CENPK: variants seen among roughly 807,000 people sequenced by gnomAD.
CENPK encodes centromere protein K, also known as SoxLZ/Sox6-binding protein Solt.
In CENPK, 46 loss-of-function variants were observed where a neutral mutation model predicts 40.9. The ratio of observed to expected loss-of-function variants is 1.13; its 90% CI spans 0.89 to 1.44. The LOEUF is 1.44. Among genes scored for constraint, CENPK ranks in the 40% most tolerant of loss-of-function variants. The probability of loss-of-function intolerance (pLI) is 0.00; values close to 1 mark genes in which losing one functional copy is unlikely to be tolerated. For missense variants in CENPK, 288 were observed against 303.5 expected (o/e 0.95, Z 0.38); for synonymous variants, 107 against 104.4 (o/e 1.02, Z -0.15).
chr5:65,505,635 C>G, the CENPK span, among the ~76,000 whole-genome samples: 2 of 152,104 alleles, frequency 1.3e-5, no homozygotes. Flanking sequence ...AGTGAGACCT[C>G]ATCTCAAAAA....
chr5:65,556,390 G>A lies in CENPK; in HGVS notation c.-39-1444C>T, dbSNP rs35473362. Among the ~76,000 whole-genome samples the A allele has an allele frequency of 4.5e-3, 692 of 152,196 alleles. 5 individuals are homozygous for A. Among genetic ancestry groups the A allele is most frequent in the Non-Finnish European group, 7.9e-3 (535 of 68,018 alleles). ...CTCAGGAGGCAGGGGCAGGAAGATC[G>A]CTTGAGTCCAGGAGTTCAAGGTTAT... On this transcript the variant is annotated intron_variant, in intron 2 of 10. Transcript: ENST00000396679.
chr5:65,498,321 T>A, the CENPK span, among the ~76,000 whole-genome samples: 1 of 152,132 alleles, frequency 6.6e-6, no homozygotes, highest in Non-Finnish European at 1.5e-5. Context: ...TCTTTATATA[T>A]GTTTTTTGTA....
At position 65,554,834 on chromosome 5, in the gene CENPK, A is replaced by G. The variant is rs1481438294; in HGVS notation, c.74T>C (p.Ile25Thr). ...GDVTNTEEEL[I>T]RECEEMWKDM... ...TTTCCACATTTCTTCACATTCTCTA[A>G]TAAGTTCTTCTTCAGTATTTGTAAC... Residue 25 changes from isoleucine to threonine, a missense_variant, in exon 3 of 11, where the codon ATT becomes ACT. Transcript: ENST00000396679. The G allele has an allele frequency of 1.0e-5, 16 of 1,600,750 alleles. No individual in the cohort carries two copies. The highest frequency in any genetic ancestry group is 1.4e-5 in the Non-Finnish European group (16 of 1,168,286).
the CENPK span, among the ~76,000 whole-genome samples, chr5:65,512,613 C>A: frequency 7.9e-5 from 12 of 152,162 alleles, no homozygotes; most frequent in African/African-American, 2.7e-4. Flanking sequence ...AGAAATAATG[C>A]TATGTATAGT....
At chr5:65,497,398 C>T in the CENPK span, among the ~76,000 whole-genome samples, 82 of 152,030 alleles carry the variant, frequency 5.4e-4, no homozygotes, top group African/African-American at 1.8e-3. Flanking sequence ...TAGTTCCTCA[C>T]GGGCTGTTAG....
At chr5:65,540,349 C>T (rs1304092502) in intron 6 of CENPK, among the ~76,000 whole-genome samples, 1 of 152,196 alleles carries the variant, frequency 6.6e-6, no homozygotes, top group Admixed American at 6.5e-5. Flanking sequence ...CAGCTCTCTG[C>T]CTCTTTATAA....
At chr5:65,520,494 G>A (rs1478043770) in intron 10 of CENPK, among the ~76,000 whole-genome samples, 1 of 151,712 alleles carries the variant, frequency 6.6e-6, no homozygotes, top group East Asian at 1.9e-4. Flanking sequence ...GTATTTCCAT[G>A]ACTGACAATT....
chr5:65,526,087 A>C (rs1744659135), intron 9 of CENPK, among the ~76,000 whole-genome samples: 1 of 152,238 alleles, frequency 6.6e-6, no homozygotes, highest in Non-Finnish European at 1.5e-5. Flanking sequence ...TCATAAAAAA[A>C]GAAGTGAGGT....
chr5:65,502,010 G>T, the CENPK span, among the ~76,000 whole-genome samples: 2 of 152,136 alleles, frequency 1.3e-5, no homozygotes, highest in African/African-American at 4.8e-5. Flanking sequence ...TGGCAGGGAG[G>T]AAAGTCCTGA....
At chr5:65,515,563 G>A (rs1204783775), downstream of CENPK, among the ~76,000 whole-genome samples, 1 of 152,016 alleles carries the variant, frequency 6.6e-6, no homozygotes, top group Admixed American at 6.6e-5. Context: ...ATATTTTCTC[G>A]AGACTTCTTT....
At chr5:65,497,316 C>A in the CENPK span, among the ~76,000 whole-genome samples, 1 of 151,688 alleles carries the variant, frequency 6.6e-6, no homozygotes, top group Admixed American at 6.6e-5. Context: ...TGCAGTGAGC[C>A]AAGATTGCCC....
At chr5:65,542,773 G>A (rs754463105) in intron 6 of CENPK, 29 bp downstream of exon 6, 3 of 1,550,126 alleles carry the variant, frequency 1.9e-6, no homozygotes, top group East Asian at 2.3e-5. Context: ...AATTATTTGG[G>A]GTCACTACAA....
chr5:65,530,533 G>C (rs1745600253), intron 6 of CENPK, among the ~76,000 whole-genome samples: 1 of 152,166 alleles, frequency 6.6e-6, no homozygotes, highest in Admixed American at 6.5e-5. Context: ...GAACAACAAA[G>C]AAGACTAAAG....
At position 65,558,166 on chromosome 5, in the gene CENPK, ATTT is replaced by A. The variant is rs1162132221; in HGVS notation, c.-39-3223_-39-3221del. Reference sequence around the variant, plus strand: ...ACAAAAAGAAAACACACACACACACATTTTTTTTTCTTTAAAGCACAAGAGAGA... The same window carrying A: ...ACAAAAAGAAAACACACACACACACATTTTTTCTTTAAAGCACAAGAGAGA... On this transcript the variant is annotated intron_variant, in intron 2 of 10. Coordinates refer to ENST00000396679, the MANE Select transcript of CENPK (RefSeq NM_022145.5). Among the ~76,000 whole-genome samples the A allele has an allele frequency of 2.0e-3, 306 of 151,630 alleles. 1 individual carries two copies. Among genetic ancestry groups the A allele is most frequent in the African/African-American group, 7.3e-3 (300 of 41,362 alleles).
rs1394580420 is a variant in CENPK at position 65,542,852 on chromosome 5, CA to C, written c.242-5del. The C allele has an allele frequency of 1.2e-6, 2 of 1,606,508 alleles. No individual in the cohort carries two copies. The highest frequency in any genetic ancestry group is 1.7e-5 in the Admixed American group (1 of 58,820). ...ACGTCTTCAGTCAAGGGAATTGCTA[CA>C]AAAACAAAACAAAACAAAGTTACAC... On this transcript the variant is annotated splice_polypyrimidine_tract_variant and splice_region_variant and intron_variant, in intron 5 of 10. Coordinates refer to ENST00000396679, the MANE Select transcript of CENPK (RefSeq NM_022145.5).
chr5:65,504,743 T>C, the CENPK span, among the ~76,000 whole-genome samples: 1 of 152,224 alleles, frequency 6.6e-6, no homozygotes, highest in East Asian at 1.9e-4. Context: ...AAACACTTTT[T>C]CTTTCTAAAT....
chr5:65,556,928 C>T (rs1199160597), intron 2 of CENPK, among the ~76,000 whole-genome samples: 1 of 152,214 alleles, frequency 6.6e-6, no homozygotes, highest in Non-Finnish European at 1.5e-5. Context: ...GTTATACCAT[C>T]TAGGTTTGTG....
intron 2 of CENPK, 117 bp downstream of exon 2, chr5:65,561,346 G>A (rs1751922177): frequency 1.2e-5 from 3 of 256,716 alleles, no homozygotes; most frequent in East Asian, 1.8e-4. Context: ...GCAAAACTCT[G>A]CACATGTGGT....
At chr5:65,515,328 A>G (rs1313102395), downstream of CENPK, among the ~76,000 whole-genome samples, 1 of 150,328 alleles carries the variant, frequency 6.7e-6, no homozygotes, top group Non-Finnish European at 1.5e-5. Context: ...TCAGCCTCCC[A>G]AGTAGCTGGG....
Sources: allele counts gnomAD v4.1 joint callset (sites outside exome capture counted in the v4.1 genomes callset), GRCh38; gene constraint gnomAD v4.1.1; transcripts MANE v1.5; gene names NCBI Gene and HGNC (gene_info 2026-07-23, HGNC 2026-07-21).